The following RBM38 variants were observed in gnomAD, a reference collection of about 807,000 sequenced individuals.
RBM38 encodes the protein RNA-binding protein 38.
RBM38 carries 11 observed loss-of-function variants against 23.5 expected under a neutral mutation model. The observed-to-expected ratio is 0.47, with a 90% CI of 0.29 to 0.77. The LOEUF is 0.77. Ranked by LOEUF, RBM38 falls within the 30% of genes least tolerant of loss-of-function variation. The probability of loss-of-function intolerance (pLI) is 0.08; values close to 1 mark genes in which losing one functional copy is unlikely to be tolerated. For synonymous variants in RBM38, 165 were observed against 166.1 expected (o/e 0.99, Z 0.05); for missense variants, 330 against 351.9 (o/e 0.94, Z 0.50).
At chr20:57,400,070 C>T (rs1300266474) in intron 3 of RBM38, 2 of 446,580 alleles carry the variant, frequency 4.5e-6, no homozygotes, top group East Asian at 7.0e-5. Context: ...TTCTCAGACT[C>T]TGCCGGAGGC....
intron 2 of RBM38, 79 bp downstream of exon 2, chr20:57,392,856 C>T (rs2067234963): frequency 2.6e-6 from 4 of 1,550,532 alleles, no homozygotes; most frequent in Non-Finnish European, 3.5e-6. Flanking sequence ...GAAAGAGGCC[C>T]CCCCTCCTCG....
At position 57,407,565 on chromosome 20, in the gene RBM38, C is replaced by T; in HGVS notation, c.439C>T (p.Pro147Ser). 3 of 1,613,756 alleles carry T rather than the reference C, an allele frequency of 1.9e-6. No homozygotes were observed. The highest frequency in any genetic ancestry group is 2.5e-6 in the Non-Finnish European group (3 of 1,179,796). ...TYGLTPHYIY[P>S]PAIVQPSVVI... is the part of the protein sequence containing the mutation. ...CAGGCTGACCCCGCACTACATCTAC[C>T]CACCAGCCATCGTGCAGCCCAGCGT... The change falls in exon 4 of 4, where the codon CCA (proline) becomes TCA (serine). Residue 147 changes from proline (P) to serine (S), a missense_variant. Coordinates refer to ENST00000356208, the MANE Select transcript of RBM38 (RefSeq NM_017495.6). This position sits in a 1 kb window ranked among gnomAD's most constrained non-coding sequence, Gnocchi z 4.0.
rs559499157 is a variant in RBM38, at chr20:57,407,385, C to T, written c.417-158C>T. Reference sequence around the variant, plus strand: ...GACAGTCAGTGCGAAGGCCTTGAGGCGGCAGCATCTGGCCAGGTGCTGTTT... The same window carrying T: ...GACAGTCAGTGCGAAGGCCTTGAGGTGGCAGCATCTGGCCAGGTGCTGTTT... On this transcript the variant is annotated intron_variant, in intron 3 of 3. Transcript: ENST00000356208. This position sits in a 1 kb window ranked among gnomAD's most constrained non-coding sequence, Gnocchi z 4.0. 5.3e-5 allele frequency among the ~76,000 whole-genome samples: 8 copies of T among 152,154 alleles called. No individual in the cohort carries two copies. The South Asian group carries it at 6.2e-4, about 12-fold the overall frequency.
chr20:57,392,292 C>T, intron 1 of RBM38: 1 of 597,108 alleles, frequency 1.7e-6, no homozygotes, highest in East Asian at 4.7e-5. Flanking sequence ...CCAAGCATAG[C>T]GTCGCAAACT....
chr20:57,392,854 C>T (rs1600742753), intron 2 of RBM38, 77 bp downstream of exon 2: 7 of 1,548,882 alleles, frequency 4.5e-6, no homozygotes, highest in African/African-American at 1.4e-5. Flanking sequence ...TGGAAAGAGG[C>T]CCCCCCTCCT....
intron 3 of RBM38, among the ~76,000 whole-genome samples, chr20:57,406,167 C>T (rs956758646): frequency 2.0e-5 from 3 of 152,204 alleles, no homozygotes; most frequent in Non-Finnish European, 4.4e-5. Flanking sequence ...CTTCTGATGC[C>T]GCGGAGGTGG....
intron 3 of RBM38, among the ~76,000 whole-genome samples, chr20:57,404,994 G>T (rs1238945256): frequency 1.3e-5 from 2 of 152,174 alleles, no homozygotes; most frequent in East Asian, 3.9e-4. Flanking sequence ...GTGCACAGAG[G>T]CTGCCGGCTG....
intron 3 of RBM38, among the ~76,000 whole-genome samples, chr20:57,405,834 C>T (rs1468133895): frequency 6.6e-6 from 1 of 152,056 alleles, no homozygotes; most frequent in Non-Finnish European, 1.5e-5. Flanking sequence ...TCCTCTCTGA[C>T]ACTGAGGGTC....
chr20:57,392,888 A>G (rs2067235549), intron 2 of RBM38, 111 bp downstream of exon 2: 2 of 1,429,472 alleles, frequency 1.4e-6, no homozygotes, highest in Non-Finnish European at 9.5e-7. Context: ...GCAGTCGGCT[A>G]TCATGTGCCT....
intron 2 of RBM38, chr20:57,393,077 C>T: frequency 1.6e-6 from 1 of 643,536 alleles, no homozygotes; most frequent in Non-Finnish European, 2.7e-6. Context: ...ACACCAGTGG[C>T]TGCTGACACC....
intron 3 of RBM38, among the ~76,000 whole-genome samples, chr20:57,398,904 G>A (rs143032893): frequency 9.5e-4 from 144 of 152,318 alleles, no homozygotes; most frequent in Non-Finnish European, 1.5e-3. Flanking sequence ...GTGTGCTTGC[G>A]GGCATCAGGA....
chr20:57,394,454 G>C (rs2067254056), intron 3 of RBM38, among the ~76,000 whole-genome samples: 2 of 152,198 alleles, frequency 1.3e-5, no homozygotes. Context: ...GTGTGTATTG[G>C]TGGATGTGTG....
chr20:57,402,812 G>A (rs1409459943), intron 3 of RBM38, among the ~76,000 whole-genome samples: 3 of 152,378 alleles, frequency 2.0e-5, no homozygotes, highest in East Asian at 3.9e-4. Flanking sequence ...CCATGCGTGC[G>A]TGGCTGCATG....
intron 3 of RBM38, chr20:57,399,846 G>T: frequency 4.4e-6 from 2 of 455,942 alleles, no homozygotes; most frequent in Non-Finnish European, 8.8e-6. Context: ...GCTGCGGTCC[G>T]TCTCTGCCGA....
chr20:57,391,699 G>T lies in RBM38; in HGVS notation c.118G>T (p.Gly40Cys). Residue 40 changes from glycine to cysteine, a missense_variant, in exon 1 of 4, where the codon GGC becomes TGC. By Grantham distance (159) the Gly-to-Cys change is radical. Around this residue, in one of 3 missense-constraint regions of RBM38, gnomAD observed 95 missense variants for 111.9 expected, o/e 0.85. Transcript: ENST00000356208. ...DTTFTKIFVG[G>C]LPYHTTDASL... ...CACGTTCACCAAGATCTTCGTGGGCGGCCTGCCGTACCACACTACCGACGC... is the reference window on the plus strand; with the variant it reads ...CACGTTCACCAAGATCTTCGTGGGCTGCCTGCCGTACCACACTACCGACGC... The T allele has an allele frequency of 6.6e-7, 1 of 1,520,738 alleles. No homozygotes were observed. The highest frequency in any genetic ancestry group is 8.8e-7 in the Non-Finnish European group (1 of 1,132,008). 94.2% of individuals were successfully genotyped at this position (1,520,738 alleles called of 1,614,324 possible). A position where few individuals can be genotyped will look rare whatever the true frequency, so the allele number is the denominator to read the frequency against.
rs961953740 is a variant in RBM38, at chr20:57,392,938, C to T, written c.361+161C>T. On this transcript the variant is annotated intron_variant, in intron 2 of 3. Transcript: ENST00000356208. ...GGGCAGCCATCCCCCCCTCGAGGATCTAGACCCCTTCTCACAGCGTGTGGC... is the reference window on the plus strand; with the variant it reads ...GGGCAGCCATCCCCCCCTCGAGGATTTAGACCCCTTCTCACAGCGTGTGGC... 22 of 974,492 alleles carry T rather than the reference C, an allele frequency of 2.3e-5. No individual in the cohort carries two copies. In the African/African-American group the frequency reaches 3.1e-4, roughly 14 times the overall value. The allele number at this position is 974,492 out of a possible 1,614,324, so 60.4% of individuals were successfully genotyped here. A position where few individuals can be genotyped will look rare whatever the true frequency, so the allele number is the denominator to read the frequency against.
At chr20:57,399,701 C>T (rs2067308352) in intron 3 of RBM38, among the ~76,000 whole-genome samples, 4 of 152,284 alleles carry the variant, frequency 2.6e-5, no homozygotes, top group Admixed American at 2.6e-4. Context: ...ACTTGAATGT[C>T]CCTAGACCTC....
intron 3 of RBM38, among the ~76,000 whole-genome samples, chr20:57,399,277 T>G (rs1298055863): frequency 6.6e-6 from 1 of 152,044 alleles, no homozygotes; most frequent in Non-Finnish European, 1.5e-5. Flanking sequence ...GAGGGATGGG[T>G]CAGTCTGCAT....
intron 3 of RBM38, among the ~76,000 whole-genome samples, chr20:57,405,621 G>A (rs544218102): frequency 3.0e-4 from 45 of 152,350 alleles, no homozygotes; most frequent in Middle Eastern, 3.4e-3. Context: ...GATGGGGTGG[G>A]GGGAGCAAGA....
Sources: gnomAD v4.1 joint callset for allele counts (sites outside exome capture counted in the v4.1 genomes callset) on GRCh38, gnomAD v4.1.1 for gene constraint, gnomAD v4.1.1 regional missense constraint, Gnocchi (gnomAD v3.1) non-coding constraint, MANE v1.5 for transcripts, NCBI Gene and HGNC (gene_info 2026-07-23, HGNC 2026-07-21) for gene names.